RARB: variants seen among roughly 807,000 people sequenced by gnomAD.
RARB encodes HBV-activated protein.
A neutral mutation model predicts 51.9 loss-of-function variants in RARB; 17 were observed. The ratio of observed to expected loss-of-function variants is 0.33; its 90% CI spans 0.22 to 0.49. The LOEUF (loss-of-function observed/expected upper bound fraction) is 0.49, where lower values mean the gene tolerates loss of function less well. Ranked by LOEUF, RARB falls within the 20% of genes least tolerant of loss-of-function variation. The pLI is 0.99. For synonymous variants in RARB, 215 were observed against 195.4 expected (o/e 1.10, Z -0.84); for missense variants, 369 against 550.8 (o/e 0.67, Z 3.30).
intron 2 of RARB, among the ~76,000 whole-genome samples, chr3:25,053,685 A>G (rs912249780): frequency 6.6e-6 from 1 of 152,178 alleles, no homozygotes; most frequent in African/African-American, 2.4e-5. Context: ...ATAAATGTTG[A>G]TGGAGTTCTG....
intron 2 of RARB, among the ~76,000 whole-genome samples, chr3:25,494,171 G>T (rs560031384): frequency 6.6e-6 from 1 of 151,590 alleles, no homozygotes; most frequent in South Asian, 2.1e-4. Context: ...GAAGAGTACA[G>T]TGTCTCTCTA....
At chr3:25,529,371 G>A (rs1698797324) in intron 3 of RARB, among the ~76,000 whole-genome samples, 1 of 152,030 alleles carries the variant, frequency 6.6e-6, no homozygotes, top group African/African-American at 2.4e-5. Flanking sequence ...CAATGAAATT[G>A]TATAGTAGAA....
chr3:24,932,326 A>G (rs1479563087), intron 2 of RARB, among the ~76,000 whole-genome samples: 1 of 151,878 alleles, frequency 6.6e-6, no homozygotes, highest in Admixed American at 6.6e-5. Flanking sequence ...CAGCACCAGA[A>G]TGGGGGATCT....
chr3:25,163,292 C>T (rs902715695), intron 4 of RARB, among the ~76,000 whole-genome samples: 2 of 152,002 alleles, frequency 1.3e-5, no homozygotes, highest in Non-Finnish European at 2.9e-5. Context: ...TTGCTTGAGT[C>T]TAGGAGTTTG....
At chr3:24,981,134 A>G (rs981365909) in intron 2 of RARB, among the ~76,000 whole-genome samples, 1 of 152,078 alleles carries the variant, frequency 6.6e-6, no homozygotes, top group African/African-American at 2.4e-5. Flanking sequence ...GATCCTTCTT[A>G]TGGAAGCTTC....
At chr3:25,409,366 G>A (rs763680066) in intron 5 of RARB, among the ~76,000 whole-genome samples, 14 of 152,164 alleles carry the variant, frequency 9.2e-5, no homozygotes, top group South Asian at 2.1e-4. Flanking sequence ...CACACCATAT[G>A]CCATCATCTG....
chr3:24,998,099 C>T (rs1368738956), intron 2 of RARB, among the ~76,000 whole-genome samples: 1 of 152,074 alleles, frequency 6.6e-6, no homozygotes, highest in East Asian at 1.9e-4. Flanking sequence ...GCTTTTCAAA[C>T]CTGCTTTTTT....
At chr3:25,568,517 C>T (rs1468252002) in intron 3 of RARB, among the ~76,000 whole-genome samples, 1 of 152,044 alleles carries the variant, frequency 6.6e-6, no homozygotes, top group African/African-American at 2.4e-5. Context: ...CTTTCTTCCC[C>T]CTTCTCACCC....
At chr3:24,949,329 A>G (rs1222992808) in intron 2 of RARB, among the ~76,000 whole-genome samples, 2 of 152,210 alleles carry the variant, frequency 1.3e-5, no homozygotes, top group African/African-American at 4.8e-5. Context: ...ACCTCCTCTG[A>G]GACAGGAAAA....
At chr3:25,210,679 G>A (rs1195055005) in intron 5 of RARB, among the ~76,000 whole-genome samples, 1 of 151,274 alleles carries the variant, frequency 6.6e-6, no homozygotes, top group Non-Finnish European at 1.5e-5. Context: ...GGGGTTGCAG[G>A]GCACACCACC....
intron 2 of RARB, among the ~76,000 whole-genome samples, chr3:25,052,647 T>C (rs929349963): frequency 6.6e-6 from 1 of 152,162 alleles, no homozygotes; most frequent in African/African-American, 2.4e-5. Flanking sequence ...TAGATTATAA[T>C]TGAAAGTATT....
intron 5 of RARB, among the ~76,000 whole-genome samples, chr3:25,217,831 G>A (rs1701866949): frequency 6.6e-6 from 1 of 152,098 alleles, no homozygotes; most frequent in Non-Finnish European, 1.5e-5. Flanking sequence ...AAAGCTCTGG[G>A]GATATGCACC....
chr3:25,318,875 T>A (rs75622708), intron 5 of RARB, among the ~76,000 whole-genome samples: 15,739 of 152,154 alleles, frequency 0.1, 913 homozygotes, highest in South Asian at 0.19. Context: ...ATATCCTTAA[T>A]GTCCTTTTCT....
chr3:24,847,664 TGTG>T (rs1262746470), intron 1 of RARB, among the ~76,000 whole-genome samples: 1 of 152,214 alleles, frequency 6.6e-6, no homozygotes, highest in African/African-American at 2.4e-5. Context: ...GCATGGGACT[TGTG>T]GTGCTCACAC....
intron 5 of RARB, among the ~76,000 whole-genome samples, chr3:25,198,088 G>A (rs761551188): frequency 1.1e-4 from 16 of 152,028 alleles, no homozygotes; most frequent in Non-Finnish European, 1.5e-4. Flanking sequence ...ATAGACCTAT[G>A]GAACAGAATA....
intron 3 of RARB, among the ~76,000 whole-genome samples, chr3:25,508,816 A>C (rs1697740782): frequency 2.0e-5 from 3 of 151,978 alleles, no homozygotes; most frequent in Admixed American, 2.0e-4. Context: ...AAAATGTCCT[A>C]GAAGCTGGAA....
chr3:25,037,406 T>C (rs1698020266), intron 2 of RARB, among the ~76,000 whole-genome samples: 1 of 152,178 alleles, frequency 6.6e-6, no homozygotes, highest in Non-Finnish European at 1.5e-5. Flanking sequence ...CCAAAAGAGC[T>C]AAGCACAGAA....
intron 2 of RARB, among the ~76,000 whole-genome samples, chr3:24,968,570 C>T (rs997078101): frequency 3.9e-5 from 6 of 152,046 alleles, no homozygotes; most frequent in African/African-American, 1.4e-4. Context: ...GACAGGTGAC[C>T]TGGAGATTGG....
intron 5 of RARB, among the ~76,000 whole-genome samples, chr3:25,251,418 G>T (rs1391286489): frequency 6.6e-6 from 1 of 152,058 alleles, no homozygotes; most frequent in Non-Finnish European, 1.5e-5. Context: ...TATGGTAGCT[G>T]TATGTTTAAC....
Sources: gnomAD v4.1 joint callset for allele counts (sites outside exome capture counted in the v4.1 genomes callset) on GRCh38, gnomAD v4.1.1 for gene constraint, MANE v1.5 for transcripts, NCBI Gene and HGNC (gene_info 2026-07-23, HGNC 2026-07-21) for gene names.